The following ZAN variants were observed in gnomAD, a reference collection of about 807,000 sequenced individuals.
ZAN encodes zonadhesin.
Under a neutral mutation model 286.2 loss-of-function variants are expected in ZAN, and 260 were observed. That is an observed-to-expected ratio of 0.91 (90% CI 0.82 to 1.01). The LOEUF (loss-of-function observed/expected upper bound fraction) is 1.01, where lower values mean the gene tolerates loss of function less well. ZAN is among the 50% of genes least tolerant of loss of function. ZAN has a pLI of 0.00. For missense variants in ZAN, 3,410 were observed against 3,639.2 expected (o/e 0.94, Z 1.62); for synonymous variants, 1,368 against 1,417.5 (o/e 0.97, Z 0.79).
Position 100,779,648 on chromosome 7 carries a change from G to T in ZAN, c.6520G>T (p.Gly2174Ter). Residue 2174 changes from glycine to a stop codon, truncating the protein, a stop_gained, in exon 35 of 48, where the codon GGA (glycine) becomes TGA (stop). Transcript: ENST00000613979. LOFTEE classifies it high-confidence loss of function. ...VDCANTLCEF[G>*]GLYQALCQAL... ...CTGTGCAAACACCCTCTGTGAGTTC[G>T]GAGGTCTCTACCAGGCCCTCTGCCA... The T allele has an allele frequency of 6.3e-7, 1 of 1,586,262 alleles. No homozygotes were observed.
chr7:100,772,822 GA>G (rs112294123), intron 29 of ZAN, among the ~76,000 whole-genome samples: 1 of 145,780 alleles, frequency 6.9e-6, no homozygotes, highest in African/African-American at 2.5e-5. Context: ...CTGTCTACAA[GA>G]AAAAAAAAAT....
Position 100,748,453 on chromosome 7 carries a change from G to A in ZAN, c.1232G>A (p.Gly411Glu). ...CCCGTCCATGGCATGGGCCCTGCGG[G>A]AGGTTTCCCTAATGCAGGTGAGGAG... is the stretch of plus-strand genomic sequence containing the variant. ...NGPVHGMGPA[G>E]GFPNAGGHYI... is the part of the protein sequence containing the mutation. Residue 411 changes from glycine (G) to glutamate (E), a missense_variant, in exon 11 of 48, where the codon GGA becomes GAA. By Grantham distance (98) the Gly-to-Glu change is moderately conservative. Coordinates refer to ENST00000613979, the MANE Select transcript of ZAN (RefSeq NM_003386.3). 5.6e-6 allele frequency: 9 copies of A among 1,612,698 alleles called. No individual in the cohort carries two copies. Among genetic ancestry groups the A allele is most frequent in the Non-Finnish European group, 6.8e-6 (8 of 1,179,384 alleles).
chr7:100,788,210 G>A, intron 38 of ZAN, 74 bp downstream of exon 38: 1 of 1,419,494 alleles, frequency 7.0e-7, no homozygotes, highest in South Asian at 1.7e-5. Context: ...GTAGAAGTCA[G>A]GGATCCCTGT....
rs1807246953 is a variant in ZAN, at chr7:100,735,682, A to T, written c.54-38A>T. ...GAATCTTATAATTCTTGATAATGAC[A>T]CGAGTTGCATTTTTGCTTTCTTCAA... On this transcript the variant is annotated intron_variant, in intron 2 of 47. Transcript: ENST00000613979. 12 of 1,416,548 alleles carry T rather than the reference A, an allele frequency of 8.5e-6. 3 individuals are homozygous for T. Among genetic ancestry groups the T allele is most frequent in the Non-Finnish European group, 1.2e-5 (12 of 1,023,374 alleles). The allele number at this position is 1,416,548 out of a possible 1,614,324, so 87.7% of individuals were successfully genotyped here. A position where few individuals can be genotyped will look rare whatever the true frequency, so the allele number is the denominator to read the frequency against.
At chr7:100,758,487 G>A in intron 16 of ZAN, 44 bp from the exon 17 acceptor site, 1 of 1,554,542 alleles carries the variant, frequency 6.4e-7, no homozygotes, top group Non-Finnish European at 8.7e-7. Flanking sequence ...CCAGCCTGGA[G>A]GAGCCACAGA....
chr7:100,791,126 G>C lies in ZAN; in HGVS notation c.7529+13G>C. 3 of 1,606,968 alleles carry C rather than the reference G, an allele frequency of 1.9e-6. No homozygotes were observed. Among genetic ancestry groups the C allele is most frequent in the Non-Finnish European group, 2.5e-6 (3 of 1,178,384 alleles). On this transcript the variant is annotated intron_variant, in intron 40 of 47. Transcript: ENST00000613979. ...TGCGCTTCCCCAGGTGCACGGCCTG[G>C]AAGGGATGAGGCGGGGGAGGTGAAC...
At position 100,788,088 on chromosome 7, in the gene ZAN, C is replaced by T; in HGVS notation, c.7179C>T (p.Thr2393=). ...CCATCTTCTTGCAGGAAGTGATTACCACCGTCTACGGCTATAAAGTGCAGC... is the reference window on the plus strand; with the variant it reads ...CCATCTTCTTGCAGGAAGTGATTACTACCGTCTACGGCTATAAAGTGCAGC... ...RSSIFLQEVI[T]TVYGYKVQLQ... The change falls in exon 38 of 48, where the codon ACC becomes ACT. Residue 2393 remains threonine, a synonymous_variant. Transcript: ENST00000613979. 5 of 1,575,846 alleles carry T rather than the reference C, an allele frequency of 3.2e-6. No individual in the cohort carries two copies. Among genetic ancestry groups the T allele is most frequent in the Non-Finnish European group, 4.3e-6 (5 of 1,154,568 alleles).
At chr7:100,750,059 A>AC (rs1554399853) in intron 11 of ZAN, among the ~76,000 whole-genome samples, 4 of 122,208 alleles carry the variant, frequency 3.3e-5, no homozygotes, top group African/African-American at 1.2e-4. Context: ...TCAAAAAAAC[A>AC]ACACACACAC....
chr7:100,794,156 C>T lies in ZAN; in HGVS notation c.8023C>T (p.Arg2675Trp), dbSNP rs370875393. Residue 2675 changes from arginine to tryptophan, a missense_variant, in exon 44 of 48, where the codon CGG (arginine) becomes TGG (tryptophan). Physicochemically the swap from Arg to Trp is moderately radical, Grantham distance 101. This residue lies in a region of ZAN where 1,289 missense variants were observed against 1,314.3 expected (regional missense o/e 0.98). Coordinates refer to ENST00000613979, the MANE Select transcript of ZAN (RefSeq NM_003386.3). ...CTTTCTGACTGAGGACTGCTCTCAG[C>T]GGTGCACCTGTGCCAGCTCACGGAT... The part of the protein sequence containing the change: ...SSFLTEDCSQ[R>W]CTCASSRILL... The T allele has an allele frequency of 2.7e-5, 43 of 1,614,030 alleles. 1 individual carries two copies. The highest frequency in any genetic ancestry group is 6.7e-5 in the African/African-American group (5 of 75,066).
At chr7:100,761,044 C>T (rs1809539160) in intron 19 of ZAN, among the ~76,000 whole-genome samples, 1 of 152,062 alleles carries the variant, frequency 6.6e-6, no homozygotes, top group South Asian at 2.1e-4. Flanking sequence ...TACAGGCGCA[C>T]ACCACCATGC....
chr7:100,762,424 T>TCA, intron 20 of ZAN, 66 bp downstream of exon 20: 4 of 1,100,528 alleles, frequency 3.6e-6, no homozygotes, highest in Non-Finnish European at 4.7e-6. Context: ...ACTCTCTTTT[T>TCA]TTTTTTTTTT....
chr7:100,766,386 G>A lies in ZAN; in HGVS notation c.4471-139G>A, dbSNP rs146714908. The A allele has an allele frequency of 5.4e-4, 596 of 1,103,050 alleles. 1 individual carries two copies. The highest frequency in any genetic ancestry group is 7.1e-4 in the Non-Finnish European group (577 of 809,226). 68.3% of individuals were successfully genotyped at this position (1,103,050 alleles called of 1,614,324 possible). ...CCAAGCTTTTGCAGCGAATCTCGGA[G>A]CTTCAGGAAGAGAGGATGTCTCCCC... is the stretch of plus-strand genomic sequence containing the variant. On this transcript the variant is annotated intron_variant, in intron 23 of 47. Transcript: ENST00000613979.
chr7:100,793,689 C>T (rs1480656004), intron 42 of ZAN, 131 bp from the exon 43 acceptor site: 9 of 944,110 alleles, frequency 9.5e-6, no homozygotes, highest in Non-Finnish European at 1.6e-6. Flanking sequence ...CCACCTGCCT[C>T]ATCCTCCCAA....
rs1178363427 is a variant in ZAN, at chr7:100,779,694, C to T, written c.6566C>T (p.Ala2189Val). The change falls in exon 35 of 48, where the codon GCC (alanine) becomes GTC (valine). Residue 2189 changes from alanine to valine, a missense_variant. By Grantham distance (64) the Ala-to-Val change is moderately conservative (BLOSUM62 0). Transcript: ENST00000613979. ...ALCQALQAFG[A>V]TCQSQGLKPP... ...TGCCAGGCTCTGCAAGCCTTCGGGG[C>T]CACCTGCCAGAGCCAGGGGCTCAAG... The T allele has an allele frequency of 3.2e-6, 5 of 1,560,966 alleles. No homozygotes were observed. The highest frequency in any genetic ancestry group is 4.3e-6 in the Non-Finnish European group (5 of 1,152,762).
rs1384825214 is a variant in ZAN at position 100,795,057 on chromosome 7, G to C, written c.8126-139G>C. On this transcript the variant is annotated intron_variant, in intron 44 of 47. Coordinates refer to ENST00000613979, the MANE Select transcript of ZAN (RefSeq NM_003386.3). ...CCCAGGGCTAGTGAGGCAGGGTTGG[G>C]AGCCAGGCTGGCTGACCCCTGGCCA... 8.3e-6 allele frequency: 9 copies of C among 1,086,428 alleles called. No homozygotes were observed. In the East Asian group the frequency reaches 1.5e-4, roughly 18 times the overall value. The allele number at this position is 1,086,428 out of a possible 1,614,324, so 67.3% of individuals were successfully genotyped here.
At position 100,748,392 on chromosome 7, in the gene ZAN, G is replaced by A. The variant is rs753688776; in HGVS notation, c.1171G>A (p.Asp391Asn). The A allele has an allele frequency of 6.2e-7, 1 of 1,614,026 alleles. No homozygotes were observed. Among genetic ancestry groups the A allele is most frequent in the Non-Finnish European group, 8.5e-7 (1 of 1,179,898 alleles). The change falls in exon 11 of 48, where the codon GAT becomes AAT. Residue 391 changes from aspartate (D) to asparagine (N), a missense_variant. Asp to Asn is a conservative substitution (Grantham distance 23, BLOSUM62 1). Coordinates refer to ENST00000613979, the MANE Select transcript of ZAN (RefSeq NM_003386.3). ...PFCDWVQTSG[D>N]GGHWALGHKN... is the part of the protein sequence containing the mutation. Reference sequence around the variant, plus strand: ...CTGTGACTGGGTCCAGACTTCCGGGGATGGTGGACACTGGGCCCTCGGACA... The same window carrying A: ...CTGTGACTGGGTCCAGACTTCCGGGAATGGTGGACACTGGGCCCTCGGACA...
At chr7:100,767,303 C>T in intron 25 of ZAN, 46 bp downstream of exon 25, 1 of 1,573,614 alleles carries the variant, frequency 6.4e-7, no homozygotes, top group Non-Finnish European at 8.6e-7. Flanking sequence ...ACCCAGCCTG[C>T]TTGCTTCTCT....
chr7:100,762,417 CTCTTTTTTT>C, intron 20 of ZAN, 59 bp downstream of exon 20: 1 of 1,063,530 alleles, frequency 9.4e-7, no homozygotes, highest in Non-Finnish European at 1.2e-6. Flanking sequence ...TCCTGGAACT[CTCTTTTTTT>C]TTTTTTTTTT....
chr7:100,783,775 T>TATATATATATATACACAC, intron 35 of ZAN, among the ~76,000 whole-genome samples: 1 of 22,490 alleles, frequency 4.4e-5, no homozygotes, highest in African/African-American at 1.2e-4. Flanking sequence ...TATATATATA[T>TATATATATATATACACAC]ATATATATAC....
Sources: allele counts gnomAD v4.1 joint callset (sites outside exome capture counted in the v4.1 genomes callset), GRCh38; gene constraint gnomAD v4.1.1; regional missense constraint gnomAD v4.1.1; transcripts MANE v1.5; gene names NCBI Gene and HGNC (gene_info 2026-07-23, HGNC 2026-07-21).